Variants in CD8B observed in about 807,000 individuals in gnomAD.
CD8B encodes T-cell surface glycoprotein CD8 beta chain.
In CD8B, 6 loss-of-function variants were observed where a neutral mutation model predicts 24.2. That is an observed-to-expected ratio of 0.25 (90% CI 0.14 to 0.49). CD8B has a LOEUF of 0.49. Ranked by LOEUF, CD8B falls within the 20% of genes least tolerant of loss-of-function variation. The pLI, the probability that CD8B is intolerant of heterozygous loss-of-function variation, is 0.98. For missense variants in CD8B, 196 were observed against 271.3 expected (o/e 0.72, Z 1.95); for synonymous variants, 84 against 108.3 (o/e 0.78, Z 1.39).
At chr2:86,849,706 T>C (rs1402908559) in intron 3 of CD8B, among the ~76,000 whole-genome samples, 2 of 148,576 alleles carry the variant, frequency 1.3e-5, no homozygotes, top group Non-Finnish European at 3.0e-5. Context: ...CTAAGGTGTT[T>C]TTTTTTTTTT....
At chr2:86,852,853 A>G (rs1266154596) in intron 3 of CD8B, 144 bp downstream of exon 3, 11 of 1,326,838 alleles carry the variant, frequency 8.3e-6, no homozygotes, top group African/African-American at 1.5e-5. Flanking sequence ...CACACTCAGC[A>G]TCCTTTCTGA....
chr2:86,842,099 CCTT>C lies in CD8B; in HGVS notation c.*205_*207del. 7.4e-7 allele frequency: 1 copy of C among 1,358,696 alleles called. No homozygotes were observed. Among genetic ancestry groups the C allele is most frequent in the Non-Finnish European group, 9.5e-7 (1 of 1,051,280 alleles). 84.2% of individuals were successfully genotyped at this position (1,358,696 alleles called of 1,614,324 possible). On this transcript the variant is annotated 3_prime_UTR_variant, in exon 6 of 6. Coordinates refer to ENST00000390655, the MANE Select transcript of CD8B (RefSeq NM_004931.5). ...GTGAAGTGCCCTGGGGGCAATGAAA[CCTT>C]CTCCCTAGTATTCCCGATGACCCAC... is the stretch of plus-strand genomic sequence containing the variant.
chr2:86,861,840 A>G lies in CD8B; in HGVS notation c.26T>C (p.Leu9Ser), dbSNP rs751398411. The G allele has an allele frequency of 7.8e-7, 1 of 1,285,724 alleles. No homozygotes were observed. The highest frequency in any genetic ancestry group is 2.6e-5 in the South Asian group (1 of 38,068). The allele number at this position is 1,285,724 out of a possible 1,614,324, so 79.6% of individuals were successfully genotyped here. A position where few individuals can be genotyped will look rare whatever the true frequency, so the allele number is the denominator to read the frequency against. MRPRLWLL[L>S]AAQLTVLHGN... ...CGCCTTACCTGTCAGCTGCGCGGCCAAGAGGAGCCACAGCCGCGGCCGCAT... is the reference window on the plus strand; with the variant it reads ...CGCCTTACCTGTCAGCTGCGCGGCCGAGAGGAGCCACAGCCGCGGCCGCAT... The change falls in exon 1 of 6, where the codon TTG becomes TCG. Residue 9 changes from leucine to serine, a missense_variant. Leu to Ser is a moderately radical substitution (Grantham distance 145). Transcript: ENST00000390655.
intron 4 of CD8B, among the ~76,000 whole-genome samples, chr2:86,845,492 T>C (rs1675632089): frequency 6.6e-6 from 1 of 152,088 alleles, no homozygotes; most frequent in South Asian, 2.1e-4. Context: ...AATGGGGTCT[T>C]ATTATGTTGT....
At chr2:86,829,749 G>A (rs1674834764) in intron 5 of CD8B, among the ~76,000 whole-genome samples, 1 of 152,154 alleles carries the variant, frequency 6.6e-6, no homozygotes, top group South Asian at 2.1e-4. Flanking sequence ...CTCTGGCAAT[G>A]TATTTTCTAA....
chr2:86,834,732 C>T (rs187852207), downstream of CD8B, among the ~76,000 whole-genome samples: 1,673 of 152,052 alleles, frequency 0.011, 30 homozygotes, highest in African/African-American at 0.038. Context: ...GTCAGGAGTT[C>T]GAGACCAGCC....
At chr2:86,847,715 G>A (rs747064559) in intron 3 of CD8B, among the ~76,000 whole-genome samples, 4 of 152,078 alleles carry the variant, frequency 2.6e-5, no homozygotes, top group Admixed American at 1.3e-4. Context: ...ACAGGCGTCC[G>A]CCGTCATGCC....
chr2:86,837,484 G>C (rs1675223242), downstream of CD8B, among the ~76,000 whole-genome samples: 1 of 152,108 alleles, frequency 6.6e-6, no homozygotes, highest in East Asian at 1.9e-4. Context: ...GAGTGTCAGT[G>C]ACGCATCGAA....
chr2:86,829,297 G>A (rs1437748364), intron 5 of CD8B, among the ~76,000 whole-genome samples: 1 of 151,844 alleles, frequency 6.6e-6, no homozygotes, highest in Admixed American at 6.6e-5. Flanking sequence ...AGTAGAGACA[G>A]GGTTTCACCA....
intron 2 of CD8B, among the ~76,000 whole-genome samples, chr2:86,857,618 G>A (rs1676332431): frequency 6.6e-6 from 1 of 152,194 alleles, no homozygotes; most frequent in African/African-American, 2.4e-5. Context: ...TACTCGGGAA[G>A]CTGAGGCAGG....
chr2:86,856,182 C>A (rs1278722136), intron 2 of CD8B, among the ~76,000 whole-genome samples: 3 of 152,166 alleles, frequency 2.0e-5, no homozygotes, highest in Non-Finnish European at 2.9e-5. Context: ...GAGGCATTGA[C>A]ATTCCTATAG....
At chr2:86,817,609 TTACA>T (rs1283951215) in intron 5 of CD8B, among the ~76,000 whole-genome samples, 1 of 152,118 alleles carries the variant, frequency 6.6e-6, no homozygotes, top group Non-Finnish European at 1.5e-5. Flanking sequence ...TTATAGATAC[TTACA>T]TAATAAGAGA....
At chr2:86,818,418 T>C (rs1674341752) in intron 5 of CD8B, among the ~76,000 whole-genome samples, 1 of 152,206 alleles carries the variant, frequency 6.6e-6, no homozygotes, top group South Asian at 2.1e-4. Context: ...GGAGCAAATC[T>C]ATCAATGCTG....
chr2:86,842,144 T>G lies in CD8B; in HGVS notation c.*163A>C. 6.8e-7 allele frequency: 1 copy of G among 1,475,688 alleles called. No homozygotes were observed. Among genetic ancestry groups the G allele is most frequent in the Non-Finnish European group, 9.0e-7 (1 of 1,113,942 alleles). 91.4% of individuals were successfully genotyped at this position (1,475,688 alleles called of 1,614,324 possible). A position where few individuals can be genotyped will look rare whatever the true frequency, so the allele number is the denominator to read the frequency against. Reference sequence around the variant, plus strand: ...ATGACCCACGAACAAGTTGCTCCCATGCACATCACACACAGAAAGGCCTTG... The same window carrying G: ...ATGACCCACGAACAAGTTGCTCCCAGGCACATCACACACAGAAAGGCCTTG... On this transcript the variant is annotated 3_prime_UTR_variant, in exon 6 of 6. Transcript: ENST00000390655.
chr2:86,815,685 G>C (rs139050200), exon 6 of CD8B: 17 of 1,612,400 alleles, frequency 1.1e-5, no homozygotes, highest in Non-Finnish European at 1.4e-5. Flanking sequence ...GGCATTGGGG[G>C]ACAAAGGTTC....
At chr2:86,815,734 A>AG (rs775630790) in intron 5 of CD8B, 377 of 1,366,828 alleles carry the variant, frequency 2.8e-4, no homozygotes, top group Non-Finnish European at 3.9e-4. Context: ...AAAAAGAAAA[A>AG]CAAGAGAGTC....
At chr2:86,858,907 G>A (rs539527001) in intron 1 of CD8B, among the ~76,000 whole-genome samples, 1 of 152,124 alleles carries the variant, frequency 6.6e-6, no homozygotes, top group South Asian at 2.1e-4. Flanking sequence ...CACCACAAAA[G>A]GATAGATCCA....
intron 3 of CD8B, among the ~76,000 whole-genome samples, chr2:86,848,712 A>ATTTAT (rs2104557691): frequency 1.1e-5 from 1 of 89,106 alleles, no homozygotes; most frequent in Non-Finnish European, 2.1e-5. Flanking sequence ...TTATTTATTT[A>ATTTAT]TTTATTTATT....
intron 5 of CD8B, among the ~76,000 whole-genome samples, chr2:86,825,782 T>TG (rs1674657029): frequency 6.6e-6 from 1 of 152,144 alleles, no homozygotes; most frequent in South Asian, 2.1e-4. Context: ...AAGGGGGGCA[T>TG]GGGAGCCCCT....
Sources: allele counts gnomAD v4.1 joint callset (sites outside exome capture counted in the v4.1 genomes callset), GRCh38; gene constraint gnomAD v4.1.1; transcripts MANE v1.5; gene names NCBI Gene and HGNC (gene_info 2026-07-23, HGNC 2026-07-21).